The following AGL variants were observed in gnomAD, a reference collection of about 807,000 sequenced individuals.
AGL encodes the protein glycogen debranching enzyme.
AGL carries 128 observed loss-of-function variants against 199.3 expected under a neutral mutation model. That is an observed-to-expected ratio of 0.64 (90% CI 0.56 to 0.74). The LOEUF (loss-of-function observed/expected upper bound fraction) is 0.74, where lower values mean the gene tolerates loss of function less well. AGL is among the 30% of genes least tolerant of loss of function. The pLI, the probability that AGL is intolerant of heterozygous loss-of-function variation, is 0.00. For missense variants in AGL, 1,809 were observed against 1,820.8 expected (o/e 0.99, Z 0.12); for synonymous variants, 584 against 594.7 (o/e 0.98, Z 0.26).
chr1:99,867,905 A>T (rs955773852), intron 5 of AGL, among the ~76,000 whole-genome samples: 3 of 152,120 alleles, frequency 2.0e-5, no homozygotes, highest in African/African-American at 7.2e-5. Context: ...CAGAGCTGAC[A>T]TCCTTTCCCA....
rs1383082065 is a variant in AGL, at chr1:99,913,698, A to C, written c.4121A>C (p.Asp1374Ala). 1 of 1,614,112 alleles carries C rather than the reference A, an allele frequency of 6.2e-7. No individual in the cohort carries two copies. The highest frequency in any genetic ancestry group is 8.5e-7 in the Non-Finnish European group (1 of 1,179,982). ...DSYGASSPWC[D>A]YQLRPNFTIA... ...TATGGAGCTTCAAGTCCTTGGTGTG[A>C]CTATCAGCTCAGGCCTAATTTTACC... Residue 1374 changes from aspartate (D) to alanine (A), a missense_variant, in exon 30 of 34, where the codon GAC becomes GCC. By Grantham distance (126) the Asp-to-Ala change is moderately radical. Coordinates refer to ENST00000361915, the MANE Select transcript of AGL (RefSeq NM_000642.3).
At chr1:99,867,962 G>C (rs1176316415) in intron 5 of AGL, among the ~76,000 whole-genome samples, 1 of 152,168 alleles carries the variant, frequency 6.6e-6, no homozygotes, top group East Asian at 1.9e-4. Context: ...CCTGGAAAAG[G>C]TCTTGGTTCA....
At chr1:99,890,127 T>G (rs1355246240) in intron 21 of AGL, among the ~76,000 whole-genome samples, 1 of 152,196 alleles carries the variant, frequency 6.6e-6, no homozygotes, top group Non-Finnish European at 1.5e-5. Context: ...CACCATATCC[T>G]TTTTATTACC....
chr1:99,920,265 A>T (rs1035488895), intron 33 of AGL, among the ~76,000 whole-genome samples: 1 of 152,190 alleles, frequency 6.6e-6, no homozygotes, highest in Non-Finnish European at 1.5e-5. Context: ...AAATCAAGGC[A>T]TGGGCAGAGC....
rs1655559390 is a variant in AGL at position 99,922,201 on chromosome 1, T to G, written c.*550T>G. 6.6e-6 allele frequency: 1 copy of G among 151,908 alleles called. No homozygotes were observed. The highest frequency in any genetic ancestry group is 1.5e-5 in the Non-Finnish European group (1 of 67,858). 9.4% of individuals were successfully genotyped at this position (151,908 alleles called of 1,614,324 possible). ...CACAGATGTTCAAACTATGCTTTCA[T>G]TTTTTCACTGATATATTAATTTTTG... On this transcript the variant is annotated 3_prime_UTR_variant, in exon 34 of 34. Transcript: ENST00000361915.
chr1:99,881,669 A>G lies in AGL; in HGVS notation c.2286A>G (p.Glu762=). 6.2e-7 allele frequency: 1 copy of G among 1,613,994 alleles called. No individual in the cohort carries two copies. Among genetic ancestry groups the G allele is most frequent in the Non-Finnish European group, 8.5e-7 (1 of 1,179,924 alleles). The part of the protein sequence containing the change: ...RNPKTSFYSK[E]VPQMCIPGKI... ...CCAAGACTTCATTTTACAGCAAGGA[A>G]GTGCCTCAAATGTGCATCCCTGGTA... Residue 762 remains glutamate (E), a synonymous_variant, in exon 17 of 34, where the codon GAA becomes GAG. Transcript: ENST00000361915.
intron 24 of AGL, among the ~76,000 whole-genome samples, chr1:99,894,771 ATT>A (rs1246860932): frequency 6.6e-6 from 1 of 152,106 alleles, no homozygotes; most frequent in Non-Finnish European, 1.5e-5. Context: ...ACATTTTAAT[ATT>A]TGTTTTTTAT....
At chr1:99,893,069 T>G (rs2100794484) in intron 24 of AGL, among the ~76,000 whole-genome samples, 1 of 152,306 alleles carries the variant, frequency 6.6e-6, no homozygotes, top group South Asian at 2.1e-4. Context: ...ATATCCTTTA[T>G]TCCAACTAGA....
In AGL at chr1:99,891,639, C is replaced by G. The variant is rs1292106664; in HGVS notation, c.2983C>G (p.Leu995Val). 6.2e-7 allele frequency: 1 copy of G among 1,613,424 alleles called. No homozygotes were observed. The highest frequency in any genetic ancestry group is 8.5e-7 in the Non-Finnish European group (1 of 1,179,678). ...GKWLQAMFFY[L>V]KQIPRYLIPC... ...ATGGTTGCAGGCTATGTTCTTCTAC[C>G]TGAAGCAGATCCCACGTTACCTTAT... Residue 995 changes from leucine to valine, a missense_variant, in exon 23 of 34, where the codon CTG becomes GTG. Leu to Val is a conservative substitution (Grantham distance 32, BLOSUM62 1). Coordinates refer to ENST00000361915, the MANE Select transcript of AGL (RefSeq NM_000642.3).
intron 7 of AGL, chr1:99,874,430 C>T (rs1224694294): frequency 8.8e-6 from 3 of 340,170 alleles, no homozygotes; most frequent in Admixed American, 4.5e-5. Context: ...GATAGGAATC[C>T]TTGTGTCTTT....
rs757327674 is a variant in AGL, at chr1:99,884,343, A to G, written c.2438A>G (p.Asn813Ser). The G allele has an allele frequency of 1.2e-6, 2 of 1,613,180 alleles. No individual in the cohort carries two copies. The highest frequency in any genetic ancestry group is 1.3e-5 in the African/African-American group (1 of 74,996). ...TVEIREHIQL[N>S]ESKIVKQAGV... ...TTTAATGTACTTTTTTTCAAGCTTA[A>G]TGAAAGTAAAATTGTTAAACAAGCT... Residue 813 changes from asparagine to serine, a missense_variant, in exon 19 of 34, where the codon AAT becomes AGT. By Grantham distance (46) the Asn-to-Ser change is conservative. Coordinates refer to ENST00000361915, the MANE Select transcript of AGL (RefSeq NM_000642.3).
chr1:99,896,470 A>G (rs1188173966), intron 25 of AGL, 82 bp downstream of exon 25: 26 of 1,071,268 alleles, frequency 2.4e-5, no homozygotes, highest in Non-Finnish European at 3.3e-5. Context: ...CTTCTTGTCC[A>G]TCTTTTCTTA....
chr1:99,916,788 A>G, intron 33 of AGL, 57 bp downstream of exon 33: 1 of 1,562,034 alleles, frequency 6.4e-7, no homozygotes, highest in Non-Finnish European at 8.8e-7. Flanking sequence ...TTTATTAGCT[A>G]TTAGGTAAAT....
In AGL at chr1:99,916,507, T is replaced by C. The variant is rs745736348; in HGVS notation, c.4347+10T>C. The C allele has an allele frequency of 6.2e-7, 1 of 1,607,534 alleles. No individual in the cohort carries two copies. Among genetic ancestry groups the C allele is most frequent in the Non-Finnish European group, 8.5e-7 (1 of 1,174,874 alleles). On this transcript the variant is annotated intron_variant, in intron 32 of 33. Transcript: ENST00000361915. ...TTATCACCAAGGACCTGTAAGAATT[T>C]CATTTATCTTCTGAGTTTCAGTTTA... is the stretch of plus-strand genomic sequence containing the variant.
intron 25 of AGL, among the ~76,000 whole-genome samples, chr1:99,898,049 C>CT (rs34959224): frequency 0.14 from 19,298 of 142,486 alleles, 1,379 homozygotes; most frequent in Middle Eastern, 0.18. Context: ...TAGCTTTTAC[C>CT]TTTTTTTTTT....
chr1:99,869,218 G>A lies in AGL; in HGVS notation c.665-1182G>A, dbSNP rs143784476. Among the ~76,000 whole-genome samples the A allele has an allele frequency of 5.2e-3, 792 of 152,232 alleles. 12 individuals are homozygous for A. Among genetic ancestry groups the A allele is most frequent in the African/African-American group, 0.018 (758 of 41,534 alleles). Reference sequence around the variant, plus strand: ...AAAAATACCTTGAATTTCAGTGATTGTGTTGATGAATCTCGGAGGAACTAC... The same window carrying A: ...AAAAATACCTTGAATTTCAGTGATTATGTTGATGAATCTCGGAGGAACTAC... On this transcript the variant is annotated intron_variant, in intron 5 of 33. Transcript: ENST00000361915.
Position 99,884,057 on chromosome 1 carries a change from A to G in AGL, c.2309-63A>G. On this transcript the variant is annotated intron_variant, in intron 17 of 33. Transcript: ENST00000361915. ...AAGTTAAATGATTTGAAACCACTTT[A>G]GCCTTCCTAATTTTGGATGATTCCA... The G allele has an allele frequency of 4.3e-6, 6 of 1,399,304 alleles. No individual in the cohort carries two copies. In the South Asian group the frequency reaches 7.1e-5, roughly 17 times the overall value. The allele number at this position is 1,399,304 out of a possible 1,614,324, so 86.7% of individuals were successfully genotyped here. A position where few individuals can be genotyped will look rare whatever the true frequency, so the allele number is the denominator to read the frequency against.
intron 17 of AGL, among the ~76,000 whole-genome samples, chr1:99,882,013 C>T (rs1014913137): frequency 6.6e-6 from 1 of 151,780 alleles, no homozygotes; most frequent in Non-Finnish European, 1.5e-5. Flanking sequence ...GTGGCACATG[C>T]CTGTAGTCTT....
chr1:99,868,936 C>T (rs1650761122), intron 5 of AGL, among the ~76,000 whole-genome samples: 1 of 151,938 alleles, frequency 6.6e-6, no homozygotes, highest in Non-Finnish European at 1.5e-5. Context: ...GCAGCCCTCC[C>T]ACCTTAGCCT....
Sources: gnomAD v4.1 joint callset for allele counts (sites outside exome capture counted in the v4.1 genomes callset) on GRCh38, gnomAD v4.1.1 for gene constraint, MANE v1.5 for transcripts, NCBI Gene and HGNC (gene_info 2026-07-23, HGNC 2026-07-21) for gene names.